Variants in ZPBP observed in about 807,000 individuals in gnomAD.
The protein encoded by ZPBP is zona pellucida binding protein.
A neutral mutation model predicts 44.8 loss-of-function variants in ZPBP; 26 were observed. That is an observed-to-expected ratio of 0.58 (90% CI 0.43 to 0.81). The LOEUF (loss-of-function observed/expected upper bound fraction) is 0.81, where lower values mean the gene tolerates loss of function less well. ZPBP is among the 30% of genes least tolerant of loss of function. The pLI is 0.00. For missense variants in ZPBP, 409 were observed against 434.0 expected (o/e 0.94, Z 0.51); for synonymous variants, 174 against 153.2 (o/e 1.14, Z -1.00).
Position 49,910,683 on chromosome 7 carries a change from T to G in ZPBP, n.412-9468A>C, listed in dbSNP as rs866756454. 7.2e-5 allele frequency among the ~76,000 whole-genome samples: 11 copies of G among 152,346 alleles called. 2 individuals carry two copies. The highest frequency in any genetic ancestry group is 6.8e-3 in the Middle Eastern group (2 of 294). ...CCATGTCCTTGATCTTAACATAAAG[T>G]GCAGATGTGACACATTTGTTGGCTG... On this transcript the variant is annotated intron_variant and non_coding_transcript_variant, in intron 1 of 2. Transcript: ENST00000465922.
intron 2 of ZPBP, among the ~76,000 whole-genome samples, chr7:49,851,585 C>T (rs1021258925): frequency 2.0e-5 from 3 of 152,206 alleles, no homozygotes; most frequent in Admixed American, 6.5e-5. Flanking sequence ...ACAGGCCAGG[C>T]GTGGTGGCTC....
At chr7:50,007,924 T>C (rs1798384946) in intron 6 of ZPBP, among the ~76,000 whole-genome samples, 2 of 152,000 alleles carry the variant, frequency 1.3e-5, no homozygotes, top group African/African-American at 4.8e-5. Context: ...TACTCAATAT[T>C]GAAAGACTGA....
In ZPBP at chr7:49,853,160, G is replaced by A. The variant is rs143994486; in HGVS notation, n.510-2646C>T. Among the ~76,000 whole-genome samples, 13 of 152,372 alleles carry A rather than the reference G, an allele frequency of 8.5e-5. No homozygotes were observed. In the East Asian group the frequency reaches 2.5e-3, roughly 29 times the overall value. On this transcript the variant is annotated intron_variant and non_coding_transcript_variant, in intron 2 of 2. Coordinates refer to the ZPBP transcript ENST00000465922. ...TCTGAACAGGAGCAGTCACTGGGGT[G>A]GACTTGGTTTTGTTCTGGATCCCAG...
intron 6 of ZPBP, among the ~76,000 whole-genome samples, chr7:50,001,071 AC>A (rs765524388): frequency 2.0e-5 from 3 of 152,132 alleles, no homozygotes; most frequent in Admixed American, 6.5e-5. Context: ...GCAGAAACCA[AC>A]CCTGCCAACA....
chr7:50,074,135 G>A (rs1332329353), intron 3 of ZPBP, among the ~76,000 whole-genome samples: 6 of 151,936 alleles, frequency 3.9e-5, no homozygotes, highest in Non-Finnish European at 5.9e-5. Context: ...TAAAAAGCAG[G>A]GGGATTAAAT....
intron 2 of ZPBP, among the ~76,000 whole-genome samples, chr7:49,877,734 C>T (rs1456519910): frequency 1.3e-5 from 2 of 149,758 alleles, no homozygotes; most frequent in Non-Finnish European, 3.0e-5. Flanking sequence ...TCTGGAGAGC[C>T]ACTCACTTTT....
chr7:50,068,842 C>T (rs961501124), intron 3 of ZPBP, among the ~76,000 whole-genome samples: 5 of 152,282 alleles, frequency 3.3e-5, no homozygotes, highest in East Asian at 1.9e-4. Context: ...AGTATACAAC[C>T]GAAATGCCTC....
intron 1 of ZPBP, among the ~76,000 whole-genome samples, chr7:49,910,376 T>A (rs1793344436): frequency 6.6e-6 from 1 of 152,252 alleles, no homozygotes; most frequent in African/African-American, 2.4e-5. Context: ...CTTCACACGC[T>A]ATAATTAAAC....
At chr7:50,025,713 G>T (rs1799295667) in intron 5 of ZPBP, among the ~76,000 whole-genome samples, 1 of 151,706 alleles carries the variant, frequency 6.6e-6, no homozygotes, top group Non-Finnish European at 1.5e-5. Flanking sequence ...GTTTGTTAAT[G>T]ACTTTTTACA....
At chr7:49,936,670 A>T (rs1794628975), downstream of ZPBP, among the ~76,000 whole-genome samples, 1 of 152,240 alleles carries the variant, frequency 6.6e-6, no homozygotes, top group Non-Finnish European at 1.5e-5. Context: ...TTTCTAAATT[A>T]CTCATGTATT....
chr7:50,028,638 C>T (rs1264886726), intron 5 of ZPBP, among the ~76,000 whole-genome samples: 1 of 150,546 alleles, frequency 6.6e-6, no homozygotes, highest in East Asian at 1.9e-4. Context: ...GGAATTCAAC[C>T]AAAGGTGCAC....
intron 4 of ZPBP, among the ~76,000 whole-genome samples, chr7:50,054,709 A>G (rs1800850038): frequency 6.6e-6 from 1 of 152,166 alleles, no homozygotes; most frequent in Non-Finnish European, 1.5e-5. Context: ...TACCACTTGT[A>G]GTTTATATAA....
intron 2 of ZPBP, among the ~76,000 whole-genome samples, chr7:49,877,481 A>AAAATATATAT: frequency 7.9e-5 from 1 of 12,730 alleles, no homozygotes; most frequent in African/African-American, 2.8e-4. Context: ...AAAAAAAAAA[A>AAAATATATAT]ATATATATAT....
chr7:50,013,114 AT>A (rs1214605750), intron 6 of ZPBP, among the ~76,000 whole-genome samples: 1 of 152,020 alleles, frequency 6.6e-6, no homozygotes, highest in South Asian at 2.1e-4. Flanking sequence ...AAAGAAGATA[AT>A]TTTTTTCAAA....
chr7:50,092,451 A>G (rs1025713468), intron 1 of ZPBP, among the ~76,000 whole-genome samples: 15 of 152,038 alleles, frequency 9.9e-5, no homozygotes, highest in Admixed American at 8.5e-4. Flanking sequence ...AATCTCTGTG[A>G]TTTTATCAAT....
chr7:50,046,590 G>A lies in ZPBP; in HGVS notation c.487+11399C>T, dbSNP rs201531102. The stretch of plus-strand genomic sequence containing the variant: ...TACAGAAATGCAAATCAAAACCACC[G>A]TAAGATACCATCTCACACCAGTTAG... On this transcript the variant is annotated intron_variant, in intron 4 of 7. Coordinates refer to ENST00000046087, the MANE Select transcript of ZPBP (RefSeq NM_007009.3). Among the ~76,000 whole-genome samples, 45 of 152,124 alleles carry A rather than the reference G, an allele frequency of 3.0e-4. No individual in the cohort carries two copies. The East Asian group carries it at 7.5e-3, about 25-fold the overall frequency.
intron 6 of ZPBP, among the ~76,000 whole-genome samples, chr7:50,003,483 C>T (rs1165380909): frequency 6.6e-6 from 1 of 152,210 alleles, no homozygotes; most frequent in African/African-American, 2.4e-5. Context: ...TTCTTCATTC[C>T]TCCCTAGAGA....
At chr7:49,844,108 G>A in the ZPBP span, among the ~76,000 whole-genome samples, 1 of 152,164 alleles carries the variant, frequency 6.6e-6, no homozygotes, top group Non-Finnish European at 1.5e-5. Flanking sequence ...GGCAACAGGT[G>A]GATGAATGTG....
chr7:49,871,922 C>T (rs1791170087), intron 2 of ZPBP, among the ~76,000 whole-genome samples: 1 of 105,754 alleles, frequency 9.5e-6, no homozygotes, highest in Non-Finnish European at 1.8e-5. Context: ...CACACACACA[C>T]ACACACACAC....
Sources: allele counts gnomAD v4.1 joint callset (sites outside exome capture counted in the v4.1 genomes callset), GRCh38; gene constraint gnomAD v4.1.1; transcripts MANE v1.5; gene names NCBI Gene and HGNC (gene_info 2026-07-23, HGNC 2026-07-21).